MLKL: variants seen among roughly 807,000 people sequenced by gnomAD.
MLKL encodes the protein mixed lineage kinase domain-like protein.
Under a neutral mutation model 56.5 loss-of-function variants are expected in MLKL, and 55 were observed. That is an observed-to-expected ratio of 0.97 (90% CI 0.78 to 1.22). MLKL has a LOEUF of 1.22. Ranked by LOEUF, MLKL falls within the 50% of genes most tolerant of loss-of-function variation. The pLI is 0.00. For synonymous variants in MLKL, 251 were observed against 208.3 expected (o/e 1.20, Z -1.76); for missense variants, 694 against 573.9 (o/e 1.21, Z -2.14).
intron 7 of MLKL, chr16:74,676,570 G>A (rs1959607452): frequency 4.6e-6 from 3 of 655,418 alleles, no homozygotes; most frequent in Non-Finnish European, 5.7e-6. Flanking sequence ...GATGAAAGGT[G>A]GAATAGCGCA....
intron 4 of MLKL, among the ~76,000 whole-genome samples, chr16:74,687,356 C>T (rs1419150325): frequency 6.6e-6 from 1 of 151,890 alleles, no homozygotes; most frequent in East Asian, 1.9e-4. Flanking sequence ...AAGATGGTAA[C>T]ATTTTCCAAA....
intron 7 of MLKL, chr16:74,676,052 T>G: frequency 2.7e-6 from 1 of 365,656 alleles, no homozygotes; most frequent in Non-Finnish European, 4.8e-6. Flanking sequence ...TAAGACCTGC[T>G]AAGTTGTAGT....
At chr16:74,679,018 C>A (rs752088610) in intron 6 of MLKL, 38 bp from the exon 7 acceptor site, 1 of 1,546,510 alleles carries the variant, frequency 6.5e-7, no homozygotes, top group Non-Finnish European at 8.9e-7. Flanking sequence ...AGTACCTTTG[C>A]CCAAACTTTC....
intron 1 of MLKL, among the ~76,000 whole-genome samples, chr16:74,699,910 C>A (rs1394239285): frequency 1.3e-5 from 2 of 151,982 alleles, no homozygotes; most frequent in East Asian, 3.9e-4. Flanking sequence ...CCACTGCGCT[C>A]CAGCCTGGGC....
intron 7 of MLKL, chr16:74,676,892 A>AG (rs1399573045): frequency 6.6e-6 from 1 of 152,222 alleles, no homozygotes; most frequent in Admixed American, 6.5e-5. Context: ...AATCTGATAC[A>AG]GGTAGACTGT....
chr16:74,692,772 G>C (rs905408734), intron 2 of MLKL, among the ~76,000 whole-genome samples: 8 of 152,240 alleles, frequency 5.3e-5, no homozygotes, highest in Non-Finnish European at 1.2e-4. Flanking sequence ...CCTGGAAGGA[G>C]GACATTCACC....
rs777465093 is a variant in MLKL at position 74,691,238 on chromosome 16, G to C, written c.722+39C>G. 4.5e-6 allele frequency: 7 copies of C among 1,547,714 alleles called. No homozygotes were observed. In the East Asian group the frequency reaches 1.6e-4, roughly 35 times the overall value. On this transcript the variant is annotated intron_variant, in intron 4 of 10. Coordinates refer to ENST00000308807, the MANE Select transcript of MLKL (RefSeq NM_152649.4). ...CTCTCTCCTTGGAGAGTTAGAGTAA[G>C]TATTGGTACACACGAGAGAACCACA...
At chr16:74,686,797 G>A (rs112870699) in intron 4 of MLKL, among the ~76,000 whole-genome samples, 6,227 of 152,134 alleles carry the variant, frequency 0.041, 266 homozygotes, top group African/African-American at 0.11. Context: ...CAGGTTCAGA[G>A]CCTATAAAAA....
intron 2 of MLKL, among the ~76,000 whole-genome samples, chr16:74,695,024 C>T (rs552864255): frequency 1.1e-3 from 172 of 152,262 alleles, no homozygotes; most frequent in Non-Finnish European, 2.0e-3. Flanking sequence ...AGGCGCCCGC[C>T]ACCATGCCCG....
chr16:74,680,476 A>T (rs576209796), intron 6 of MLKL, among the ~76,000 whole-genome samples: 59 of 148,118 alleles, frequency 4.0e-4, no homozygotes, highest in African/African-American at 1.3e-3. Flanking sequence ...TGCGTTTGGT[A>T]TTTTTTTTTT....
Position 74,691,820 on chromosome 16 carries a change from G to T in MLKL, c.536-357C>A, listed in dbSNP as rs185843307. On this transcript the variant is annotated intron_variant, in intron 3 of 10. Transcript: ENST00000308807. ...GGCACTTGAGCATCTGGCATCTGGC[G>T]TAGTCATTTCAGATCTAGTAGTTAG... Among the ~76,000 whole-genome samples the T allele has an allele frequency of 3.3e-5, 5 of 152,150 alleles. No homozygotes were observed. In the East Asian group the frequency reaches 9.6e-4, roughly 29 times the overall value.
At chr16:74,685,831 A>G (rs1336752846) in intron 4 of MLKL, among the ~76,000 whole-genome samples, 2 of 152,216 alleles carry the variant, frequency 1.3e-5, no homozygotes, top group African/African-American at 4.8e-5. Flanking sequence ...AGTAGTTCAA[A>G]TAGTCTGATA....
At position 74,675,374 on chromosome 16, in the gene MLKL, A is replaced by G. The variant is rs765124623; in HGVS notation, c.1221T>C (p.Thr407=). 1.4e-5 allele frequency: 23 copies of G among 1,614,062 alleles called. No individual in the cohort carries two copies. The highest frequency in any genetic ancestry group is 1.9e-5 in the Non-Finnish European group (22 of 1,180,050). Reference sequence around the variant, plus strand: ...CTTCACCTTGAAACGGGATATCTCCAGTGGCGATTTCCCAGAGGACGATTC... The same window carrying G: ...CTTCACCTTGAAACGGGATATCTCCGGTGGCGATTTCCCAGAGGACGATTC... The part of the protein sequence containing the change: ...SFGIVLWEIA[T]GDIPFQGCNS... The change falls in exon 9 of 11, where the codon ACT becomes ACC. Residue 407 remains threonine, a synonymous_variant. Coordinates refer to ENST00000308807, the MANE Select transcript of MLKL (RefSeq NM_152649.4).
intron 6 of MLKL, 31 bp downstream of exon 6, chr16:74,682,620 C>T: frequency 6.2e-7 from 1 of 1,611,954 alleles, no homozygotes; most frequent in Non-Finnish European, 8.5e-7. Flanking sequence ...ACCCATCCAA[C>T]CCTTAGTGGC....
intron 1 of MLKL, among the ~76,000 whole-genome samples, chr16:74,698,618 C>T (rs1222568533): frequency 1.3e-5 from 2 of 152,168 alleles, no homozygotes; most frequent in Non-Finnish European, 2.9e-5. Flanking sequence ...GCACCAGAAA[C>T]AGAAGCAAAT....
At chr16:74,698,660 T>C (rs372669166) in intron 1 of MLKL, among the ~76,000 whole-genome samples, 33 of 152,312 alleles carry the variant, frequency 2.2e-4, no homozygotes, top group African/African-American at 7.5e-4. Context: ...TCTTGCAAAT[T>C]GTAGCTTCCT....
At chr16:74,685,648 G>T in intron 4 of MLKL, 65 bp from the exon 5 acceptor site, 1 of 1,314,294 alleles carries the variant, frequency 7.6e-7, no homozygotes. Context: ...AACATTCAGT[G>T]TGGTGACCCT....
At chr16:74,682,612 C>G in intron 6 of MLKL, 39 bp downstream of exon 6, 1 of 1,610,066 alleles carries the variant, frequency 6.2e-7, no homozygotes, top group South Asian at 1.1e-5. Flanking sequence ...GTGGACAGAC[C>G]CATCCAACCC....
chr16:74,678,604 G>A (rs1481707794), intron 7 of MLKL, among the ~76,000 whole-genome samples: 1 of 152,330 alleles, frequency 6.6e-6, no homozygotes, highest in East Asian at 1.9e-4. Flanking sequence ...CCAACATGGT[G>A]AAACCCTGTC....
Sources: allele counts gnomAD v4.1 joint callset (sites outside exome capture counted in the v4.1 genomes callset), GRCh38; gene constraint gnomAD v4.1.1; transcripts MANE v1.5; gene names NCBI Gene and HGNC (gene_info 2026-07-23, HGNC 2026-07-21).